WBP2NL: variants seen among roughly 807,000 people sequenced by gnomAD.
WBP2NL encodes WBP2 N-terminal like.
Under a neutral mutation model 23.3 loss-of-function variants are expected in WBP2NL, and 27 were observed. The observed-to-expected ratio is 1.16, with a 90% CI of 0.85 to 1.60. WBP2NL has a LOEUF of 1.60. Ranked by LOEUF, WBP2NL falls within the 40% of genes most tolerant of loss-of-function variation. The pLI is 0.00. For missense variants in WBP2NL, 370 were observed against 389.5 expected (o/e 0.95, Z 0.42); for synonymous variants, 151 against 145.9 (o/e 1.03, Z -0.25).
intron 8 of WBP2NL, among the ~76,000 whole-genome samples, chr22:42,039,228 T>C (rs1266485092): frequency 3.9e-5 from 6 of 151,968 alleles, no homozygotes; most frequent in Admixed American, 6.6e-5. Context: ...CCCACCACCA[T>C]GCCTGGCTAA....
At chr22:42,016,829 C>T (rs1372323375) in intron 1 of WBP2NL, among the ~76,000 whole-genome samples, 7 of 152,216 alleles carry the variant, frequency 4.6e-5, no homozygotes, top group Non-Finnish European at 1.0e-4. Context: ...ACTGATCCCT[C>T]TGATACACTA....
intron 1 of WBP2NL, among the ~76,000 whole-genome samples, chr22:42,009,974 A>G (rs1922654063): frequency 6.6e-6 from 1 of 152,074 alleles, no homozygotes; most frequent in Admixed American, 6.6e-5. Flanking sequence ...TGTCTTCAAT[A>G]TTTTTCACTA....
At chr22:42,026,101 C>G (rs1317077211) in intron 5 of WBP2NL, among the ~76,000 whole-genome samples, 1 of 151,762 alleles carries the variant, frequency 6.6e-6, no homozygotes, top group Non-Finnish European at 1.5e-5. Context: ...GAAACCCTGT[C>G]TCTACTAAAA....
At chr22:42,020,161 G>T (rs886349073) in intron 4 of WBP2NL, 65 bp downstream of exon 4, 43 of 1,384,646 alleles carry the variant, frequency 3.1e-5, no homozygotes, top group Middle Eastern at 3.6e-4. Flanking sequence ...TGGGTTTTTT[G>T]TTGTTGTTGT....
Position 42,019,823 on chromosome 22 carries a change from T to A in WBP2NL, c.313+20T>A. 1.2e-6 allele frequency: 2 copies of A among 1,609,084 alleles called. No homozygotes were observed. On this transcript the variant is annotated intron_variant, in intron 3 of 5. Transcript: ENST00000328823. ...CATATGGTAAGTGTTCCCTCAGAAGTGTGTATTTTTTTTTCCCTCAAAATC... is the reference window on the plus strand; with the variant it reads ...CATATGGTAAGTGTTCCCTCAGAAGAGTGTATTTTTTTTTCCCTCAAAATC...
chr22:42,054,394 T>C (rs1207714147), intron 8 of WBP2NL, among the ~76,000 whole-genome samples: 1 of 151,664 alleles, frequency 6.6e-6, no homozygotes, highest in Non-Finnish European at 1.5e-5. Context: ...TTTCACCTTA[T>C]TGGCCAGGCT....
chr22:42,019,272 A>C (rs756721683), intron 1 of WBP2NL, 39 bp from the exon 2 acceptor site: 1 of 1,560,284 alleles, frequency 6.4e-7, no homozygotes, highest in Non-Finnish European at 8.7e-7. Flanking sequence ...TTTTACATAC[A>C]TTCTTTATTG....
Position 42,019,594 on chromosome 22 carries a change from T to G in WBP2NL, c.172-68T>G, listed in dbSNP as rs1033343210. 2.0e-5 allele frequency: 32 copies of G among 1,598,574 alleles called. No homozygotes were observed. In the African/African-American group the frequency reaches 4.2e-4, roughly 21 times the overall value. ...TTCTCAGTTAGACCAGAATGCACCTTGCTCTTGTAAGTCTCAATCCATGGA... is the reference window on the plus strand; with the variant it reads ...TTCTCAGTTAGACCAGAATGCACCTGGCTCTTGTAAGTCTCAATCCATGGA... On this transcript the variant is annotated intron_variant, in intron 2 of 5. Coordinates refer to ENST00000328823, the MANE Select transcript of WBP2NL (RefSeq NM_152613.3).
chr22:42,009,195 C>G (rs1002551811), intron 1 of WBP2NL, among the ~76,000 whole-genome samples: 1 of 152,242 alleles, frequency 6.6e-6, no homozygotes, highest in East Asian at 1.9e-4. Context: ...ACAGGGAGCT[C>G]TTTACATACT....
intron 8 of WBP2NL, among the ~76,000 whole-genome samples, chr22:42,054,210 C>T (rs2146826772): frequency 6.6e-6 from 1 of 151,870 alleles, no homozygotes; most frequent in East Asian, 1.9e-4. Context: ...TTTTTTGAGA[C>T]AGAGTCTCAC....
chr22:42,057,453 G>A (rs925458416), intron 8 of WBP2NL, among the ~76,000 whole-genome samples: 9 of 151,554 alleles, frequency 5.9e-5, no homozygotes, highest in Admixed American at 1.3e-4. Context: ...CTTTAGACCC[G>A]GCTTCCTTTG....
intron 8 of WBP2NL, among the ~76,000 whole-genome samples, chr22:42,039,475 G>A (rs1925320014): frequency 6.6e-6 from 1 of 151,814 alleles, no homozygotes; most frequent in Admixed American, 6.6e-5. Context: ...TCATAGGTGT[G>A]AGCCACTACG....
rs1556304670 is a variant in WBP2NL, at chr22:42,039,370, T to TTC, written c.*273+8547_*273+8548insTC. 2.8e-4 allele frequency among the ~76,000 whole-genome samples: 42 copies of TTC among 149,762 alleles called. 1 individual carries two copies. The highest frequency in any genetic ancestry group is 1.8e-3 in the East Asian group (9 of 5,130). On this transcript the variant is annotated intron_variant and NMD_transcript_variant, in intron 8 of 8. Transcript: ENST00000436265. ...GGATTACAGGCTTTTTTTTTTTTTT[T>TTC]CCAGTATCAGTGAGGTCTTCCTGTG...
In WBP2NL at chr22:41,998,865, T is replaced by A. The variant is rs1401795133; in HGVS notation, c.47T>A (p.Ile16Asn). 6.2e-7 allele frequency: 1 copy of A among 1,610,290 alleles called. No homozygotes were observed. Among genetic ancestry groups the A allele is most frequent in the East Asian group, 2.2e-5 (1 of 44,710 alleles). Residue 16 changes from isoleucine to asparagine, a missense_variant, in exon 1 of 6, where the codon ATC becomes AAC. Transcript: ENST00000328823. Reference protein sequence around the residue: ...SHTENRRGALIPNGESLLKRS... With the variant: ...SHTENRRGALNPNGESLLKRS... ...ACCGAGAACCGCCGCGGAGCCCTCATCCCTAACGGTGAAAGGTGCCTGAGG... is the reference window on the plus strand; with the variant it reads ...ACCGAGAACCGCCGCGGAGCCCTCAACCCTAACGGTGAAAGGTGCCTGAGG...
At chr22:42,005,448 A>C (rs1922135762) in intron 1 of WBP2NL, among the ~76,000 whole-genome samples, 1 of 152,152 alleles carries the variant, frequency 6.6e-6, no homozygotes, top group Admixed American at 6.6e-5. Flanking sequence ...CAGGAGGTGG[A>C]GGTTGCAGTG....
chr22:42,049,976 CAAAA>C (rs34787117), intron 8 of WBP2NL, among the ~76,000 whole-genome samples: 98 of 84,412 alleles, frequency 1.2e-3, no homozygotes, highest in African/African-American at 3.5e-3. Flanking sequence ...GACTCCGTCT[CAAAA>C]AAAAAAAAAA....
In WBP2NL at chr22:42,050,334, AAAAAAAC is replaced by A. The variant is rs1368344424; in HGVS notation, c.*274-7942_*274-7936del. 2.0e-5 allele frequency among the ~76,000 whole-genome samples: 3 copies of A among 151,982 alleles called. No individual in the cohort carries two copies. The South Asian group carries it at 6.3e-4, about 32-fold the overall frequency. On this transcript the variant is annotated intron_variant and NMD_transcript_variant, in intron 8 of 8. Transcript: ENST00000436265. Reference sequence around the variant, plus strand: ...ATCCAACTCTTACAACTCAATAATTAAAAAAACAAAAAACAAAAAAAACAACCTGGGC... The same window carrying A: ...ATCCAACTCTTACAACTCAATAATTAAAAAAACAAAAAAAACAACCTGGGC...
downstream of WBP2NL, chr22:42,032,031 T>A (rs937479094): frequency 3.3e-5 from 5 of 152,196 alleles, no homozygotes; most frequent in Non-Finnish European, 5.9e-5. Flanking sequence ...TCAAGAAATA[T>A]TGCATGTCTT....
At chr22:42,021,435 C>T (rs947228804) in intron 4 of WBP2NL, among the ~76,000 whole-genome samples, 41 of 152,060 alleles carry the variant, frequency 2.7e-4, no homozygotes, top group African/African-American at 6.3e-4. Context: ...GTGACTGTTA[C>T]GTTATTTGTA....
Sources: gnomAD v4.1 joint callset for allele counts (sites outside exome capture counted in the v4.1 genomes callset) on GRCh38, gnomAD v4.1.1 for gene constraint, MANE v1.5 for transcripts, NCBI Gene and HGNC (gene_info 2026-07-23, HGNC 2026-07-21) for gene names.